NHSL1: variants seen among roughly 807,000 people sequenced by gnomAD.
NHSL1 encodes the protein NHS-like protein 1.
In NHSL1, 48 loss-of-function variants were observed where a neutral mutation model predicts 95.0. That is an observed-to-expected ratio of 0.51 (90% CI 0.40 to 0.64). The LOEUF (loss-of-function observed/expected upper bound fraction) is 0.64. NHSL1 is among the 30% of genes least tolerant of loss of function. The pLI is 0.00. For missense variants in NHSL1, 1,971 were observed against 2,077.7 expected (o/e 0.95, Z 1.00); for synonymous variants, 783 against 833.9 (o/e 0.94, Z 1.05).
chr6:138,625,641 T>TA (rs57534545), intron 1 of NHSL1, among the ~76,000 whole-genome samples: 1,708 of 138,792 alleles, frequency 0.012, 16 homozygotes, highest in African/African-American at 0.032. Flanking sequence ...CTTTTTTAAT[T>TA]AAAAAAAAAA....
chr6:138,471,005 A>G (rs944162186), intron 3 of NHSL1, among the ~76,000 whole-genome samples: 1 of 152,010 alleles, frequency 6.6e-6, no homozygotes, highest in Non-Finnish European at 1.5e-5. Flanking sequence ...CTTATACACG[A>G]CCATTTTCTT....
chr6:138,427,829 GCA>G (rs1200018458), intron 7 of NHSL1, among the ~76,000 whole-genome samples: 1 of 152,128 alleles, frequency 6.6e-6, no homozygotes, highest in African/African-American at 2.4e-5. Flanking sequence ...CCCTAAAAAA[GCA>G]CAGACAGTAG....
intron 1 of NHSL1, among the ~76,000 whole-genome samples, chr6:138,617,933 T>C (rs1784602744): frequency 6.6e-6 from 1 of 152,118 alleles, no homozygotes; most frequent in South Asian, 2.1e-4. Flanking sequence ...TGCACAAGGA[T>C]GGGACCTCAC....
chr6:138,683,944 C>T (rs1221301777), intron 1 of NHSL1, among the ~76,000 whole-genome samples: 1 of 152,206 alleles, frequency 6.6e-6, no homozygotes, highest in Non-Finnish European at 1.5e-5. Context: ...GGCACAGTGG[C>T]TCATGCCTGT....
chr6:138,615,541 G>A (rs1057032371), intron 1 of NHSL1, among the ~76,000 whole-genome samples: 2 of 152,222 alleles, frequency 1.3e-5, no homozygotes, highest in Admixed American at 6.5e-5. Context: ...CACAACCTCG[G>A]CTCACTGCAA....
chr6:138,542,357 A>G (rs1782617205), intron 1 of NHSL1, among the ~76,000 whole-genome samples: 1 of 152,250 alleles, frequency 6.6e-6, no homozygotes, highest in Non-Finnish European at 1.5e-5. Flanking sequence ...TTTCTGGATA[A>G]GCCACTCACT....
chr6:138,637,215 T>C (rs1784899765), intron 1 of NHSL1, among the ~76,000 whole-genome samples: 1 of 152,078 alleles, frequency 6.6e-6, no homozygotes, highest in Non-Finnish European at 1.5e-5. Context: ...TGAAACTAGA[T>C]CCCGTATCTC....
chr6:138,447,959 T>C (rs1776971090), intron 3 of NHSL1, among the ~76,000 whole-genome samples: 1 of 152,192 alleles, frequency 6.6e-6, no homozygotes, highest in Non-Finnish European at 1.5e-5. Flanking sequence ...GATAGAGCTA[T>C]TGTTGTTCAA....
chr6:138,440,493 T>C (rs1358995859), intron 5 of NHSL1, among the ~76,000 whole-genome samples: 12 of 152,312 alleles, frequency 7.9e-5, no homozygotes, highest in Middle Eastern at 3.4e-3. Context: ...TTGCCTTTGT[T>C]TGTAATAAAC....
In NHSL1 at chr6:138,556,500, A is replaced by G. The variant is rs56201635; in HGVS notation, c.202+15210T>C. Among the ~76,000 whole-genome samples the G allele has an allele frequency of 7.1e-3, 1,080 of 151,394 alleles. 24 individuals are homozygous for G. Among genetic ancestry groups the G allele is most frequent in the African/African-American group, 0.025 (1,018 of 41,232 alleles). The stretch of plus-strand genomic sequence containing the variant: ...TGTAATCTCTATTTTCAATTAATTC[A>G]GGTTGCATTTAAACATTTTTGTAGG... On this transcript the variant is annotated intron_variant, in intron 1 of 6. Transcript: ENST00000427025.
chr6:138,480,252 T>G (rs1242050058), intron 2 of NHSL1, among the ~76,000 whole-genome samples: 1 of 152,174 alleles, frequency 6.6e-6, no homozygotes, highest in Non-Finnish European at 1.5e-5. Context: ...ATAATGCAGG[T>G]TTCACACCCT....
intron 4 of NHSL1, 59 bp downstream of exon 4, chr6:138,446,942 A>G (rs1368831756): frequency 1.4e-6 from 2 of 1,479,350 alleles, no homozygotes; most frequent in African/African-American, 2.8e-5. Context: ...AGCATAAAAC[A>G]AAAAGCTGTA....
intron 1 of NHSL1, among the ~76,000 whole-genome samples, chr6:138,615,287 T>C (rs1042714125): frequency 1.3e-5 from 2 of 152,252 alleles, no homozygotes; most frequent in Non-Finnish European, 2.9e-5. Flanking sequence ...ATGTTTACAA[T>C]GTTGCTTTCC....
rs776764448 is a variant in NHSL1 at position 138,431,777 on chromosome 6, C to T, written c.2568G>A (p.Ser856=). 30 of 1,551,682 alleles carry T rather than the reference C, an allele frequency of 1.9e-5. No homozygotes were observed. The highest frequency in any genetic ancestry group is 2.4e-5 in the Non-Finnish European group (28 of 1,146,950). Residue 856 remains serine, a synonymous_variant, in exon 6 of 8, where the codon TCG becomes TCA. Coordinates refer to ENST00000343505, the MANE Select transcript of NHSL1 (RefSeq NM_001144060.2). The surrounding 1 kb of genome is among the most constrained non-coding windows in gnomAD (Gnocchi z 4.0). The part of the protein sequence containing the change: ...ISPSSGYSSQ[S]NTPTALTPVP... The stretch of plus-strand genomic sequence containing the variant: ...CAGGGGTGAGTGCTGTGGGTGTATT[C>T]GACTGGCTGGAATACCCACTGGATG...
At chr6:138,685,012 T>A (rs1481963332) in intron 1 of NHSL1, among the ~76,000 whole-genome samples, 1 of 152,232 alleles carries the variant, frequency 6.6e-6, no homozygotes, top group East Asian at 1.9e-4. Context: ...AAACTTGGTT[T>A]TTTAAACATA....
chr6:138,663,484 C>T (rs771468696), intron 1 of NHSL1, among the ~76,000 whole-genome samples: 19 of 147,558 alleles, frequency 1.3e-4, no homozygotes, highest in East Asian at 6.0e-4. Context: ...CACTCGAACC[C>T]GGGGGGCAGA....
At chr6:138,689,359 C>A (rs1366386236) in intron 1 of NHSL1, among the ~76,000 whole-genome samples, 1 of 152,068 alleles carries the variant, frequency 6.6e-6, no homozygotes, top group East Asian at 1.9e-4. Context: ...TAGGAGTCTT[C>A]AATGAACAGA....
At chr6:138,492,411 C>A (rs1419216630) in intron 2 of NHSL1, among the ~76,000 whole-genome samples, 1 of 152,210 alleles carries the variant, frequency 6.6e-6, no homozygotes, top group Non-Finnish European at 1.5e-5. Context: ...AAGCTGCTGC[C>A]AAGACAGCAG....
At chr6:138,499,178 C>T in intron 1 of NHSL1, 55 bp downstream of exon 1, 3 of 1,153,428 alleles carry the variant, frequency 2.6e-6, no homozygotes, top group Non-Finnish European at 3.8e-6. Context: ...GGGACATATA[C>T]ACATATGGAA....
Sources: gnomAD v4.1 joint callset for allele counts (sites outside exome capture counted in the v4.1 genomes callset) on GRCh38, gnomAD v4.1.1 for gene constraint, Gnocchi (gnomAD v3.1) non-coding constraint, MANE v1.5 for transcripts, NCBI Gene and HGNC (gene_info 2026-07-23, HGNC 2026-07-21) for gene names.